The following FAM53A variants were observed in gnomAD, a reference collection of about 807,000 sequenced individuals.
The protein encoded by FAM53A is family with sequence similarity 53 member A, also known as protein FAM53A.
In FAM53A, 28 loss-of-function variants were observed where a neutral mutation model predicts 26.6. The observed-to-expected ratio is 1.05, with a 90% CI of 0.78 to 1.45. The LOEUF is 1.45. FAM53A is among the 40% of genes most tolerant of loss of function. FAM53A has a pLI of 0.00. For synonymous variants in FAM53A, 290 were observed against 253.1 expected (o/e 1.15, Z -1.38); for missense variants, 650 against 575.8 (o/e 1.13, Z -1.32).
At chr4:1,634,612 TG>T (rs991559158) in intron 1 of FAM53A, among the ~76,000 whole-genome samples, 1 of 152,158 alleles carries the variant, frequency 6.6e-6, no homozygotes, top group African/African-American at 2.4e-5. Context: ...TAAAATCATC[TG>T]GGGGCCAGGC....
At chr4:1,576,566 T>C in the FAM53A span, among the ~76,000 whole-genome samples, 15 of 152,240 alleles carry the variant, frequency 9.9e-5, no homozygotes, top group South Asian at 6.2e-4. Context: ...TGAAAGGAGA[T>C]TGGAAAACTA....
intron 4 of FAM53A, among the ~76,000 whole-genome samples, chr4:1,650,816 A>T (rs1712713063): frequency 6.6e-6 from 1 of 151,094 alleles, no homozygotes; most frequent in East Asian, 2.0e-4. Flanking sequence ...TTTTTTTAAC[A>T]CAGGTGTGAA....
At chr4:1,641,996 G>A (rs962673677) in intron 4 of FAM53A, among the ~76,000 whole-genome samples, 1 of 152,158 alleles carries the variant, frequency 6.6e-6, no homozygotes, top group African/African-American at 2.4e-5. Context: ...GGCCTGTCCA[G>A]AGAGGGTGCC....
chr4:1,665,310 T>C (rs1322111830), intron 2 of FAM53A, among the ~76,000 whole-genome samples: 1 of 151,048 alleles, frequency 6.6e-6, no homozygotes, highest in Non-Finnish European at 1.5e-5. Flanking sequence ...AGAGCAAGAC[T>C]CCATCACTTT....
At chr4:1,653,550 A>T (rs538924242) in intron 4 of FAM53A, among the ~76,000 whole-genome samples, 1 of 152,324 alleles carries the variant, frequency 6.6e-6, no homozygotes, top group Admixed American at 6.5e-5. Context: ...AAGCAGGGAC[A>T]GCCTGCTTGT....
At chr4:1,622,365 G>A (rs1207302747) in intron 1 of FAM53A, among the ~76,000 whole-genome samples, 1 of 152,136 alleles carries the variant, frequency 6.6e-6, no homozygotes, top group Non-Finnish European at 1.5e-5. Context: ...GGCTGAAGGT[G>A]GATCTGGCTG....
intron 4 of FAM53A, 100 bp downstream of exon 4, chr4:1,654,878 G>C: frequency 7.0e-7 from 1 of 1,422,952 alleles, no homozygotes; most frequent in Non-Finnish European, 9.3e-7. Context: ...AGACCAGCCG[G>C]ATGCTAACAG....
At chr4:1,624,343 G>A (rs1715186077) in intron 1 of FAM53A, among the ~76,000 whole-genome samples, 1 of 152,164 alleles carries the variant, frequency 6.6e-6, no homozygotes, top group Non-Finnish European at 1.5e-5. Flanking sequence ...GGAGACACAG[G>A]TATCCCTGCT....
intron 1 of FAM53A, among the ~76,000 whole-genome samples, chr4:1,676,304 G>A (rs1240568924): frequency 6.6e-6 from 1 of 152,166 alleles, no homozygotes; most frequent in Non-Finnish European, 1.5e-5. Flanking sequence ...CTCCCTGCGT[G>A]TGCCTGTGTG....
Position 1,657,442 on chromosome 4 carries a change from G to T in FAM53A, c.102C>A (p.Asn34Lys). The change falls in exon 3 of 5, where the codon AAC (asparagine) becomes AAA (lysine). Residue 34 changes from asparagine (N) to lysine (K), a missense_variant. Coordinates refer to ENST00000308132, the MANE Select transcript of FAM53A (RefSeq NM_001174070.3). ...GPLQYSAETL[N>K]KSGRLFPLEL... Reference sequence around the variant, plus strand: ...CCAAAGGGAACAGACGACCGCTCTTGTTCAGGGTTTCCGCAGAATACTGCA... The same window carrying T: ...CCAAAGGGAACAGACGACCGCTCTTTTTCAGGGTTTCCGCAGAATACTGCA... 1 of 1,613,902 alleles carries T rather than the reference G, an allele frequency of 6.2e-7. No homozygotes were observed. The highest frequency in any genetic ancestry group is 8.5e-7 in the Non-Finnish European group (1 of 1,179,914).
At chr4:1,588,205 C>A in the FAM53A span, among the ~76,000 whole-genome samples, 1 of 152,316 alleles carries the variant, frequency 6.6e-6, no homozygotes, top group South Asian at 2.1e-4. Context: ...ATTCCTAGGT[C>A]CTCAATTGTT....
At chr4:1,683,755 GAA>G (rs1715617612) in intron 1 of FAM53A, 1 of 152,226 alleles carries the variant, frequency 6.6e-6, no homozygotes, top group Non-Finnish European at 1.5e-5. Flanking sequence ...CAGATTAACG[GAA>G]AAAGACACCC....
At chr4:1,667,706 G>A (rs1044717501) in intron 2 of FAM53A, among the ~76,000 whole-genome samples, 13 of 152,062 alleles carry the variant, frequency 8.5e-5, no homozygotes, top group Non-Finnish European at 1.8e-4. Context: ...TCTCATTTCC[G>A]TAACACGCAA....
downstream of FAM53A, among the ~76,000 whole-genome samples, chr4:1,638,341 A>C (rs2108792267): frequency 6.6e-6 from 1 of 152,138 alleles, no homozygotes; most frequent in East Asian, 1.9e-4. Flanking sequence ...GGGTGCCCTG[A>C]ACCTTCCGTC....
the FAM53A span, among the ~76,000 whole-genome samples, chr4:1,577,933 G>A: frequency 6.6e-6 from 1 of 151,998 alleles, no homozygotes; most frequent in Non-Finnish European, 1.5e-5. Context: ...GGGGCTGCGG[G>A]GGTGCAGGTG....
At chr4:1,656,160 G>A (rs2108914814) in intron 3 of FAM53A, among the ~76,000 whole-genome samples, 1 of 152,296 alleles carries the variant, frequency 6.6e-6, no homozygotes, top group South Asian at 2.1e-4. Context: ...AGTAACATGG[G>A]CAACACAGGG....
chr4:1,597,622 C>G, the FAM53A span, among the ~76,000 whole-genome samples: 10 of 152,000 alleles, frequency 6.6e-5, no homozygotes, highest in Non-Finnish European at 1.3e-4. Flanking sequence ...CCCTCCGGGG[C>G]CCCCCAACAG....
chr4:1,676,923 T>C (rs1167986546), intron 1 of FAM53A, among the ~76,000 whole-genome samples: 1 of 152,222 alleles, frequency 6.6e-6, no homozygotes, highest in Admixed American at 6.5e-5. Flanking sequence ...GCAAAGTTTC[T>C]GCCTAGTATA....
At chr4:1,579,559 C>T in the FAM53A span, among the ~76,000 whole-genome samples, 2 of 152,202 alleles carry the variant, frequency 1.3e-5, no homozygotes, top group Non-Finnish European at 2.9e-5. Flanking sequence ...GTGACGCAGC[C>T]TCTGTGTGAC....
Sources: allele counts gnomAD v4.1 joint callset (sites outside exome capture counted in the v4.1 genomes callset), GRCh38; gene constraint gnomAD v4.1.1; transcripts MANE v1.5; gene names NCBI Gene and HGNC (gene_info 2026-07-23, HGNC 2026-07-21).